ARID4B: variants seen among roughly 807,000 people sequenced by gnomAD.
The protein encoded by ARID4B is AT-rich interaction domain 4B, also known as AT-rich interactive domain-containing protein 4B.
ARID4B carries 26 observed loss-of-function variants against 147.5 expected under a neutral mutation model. That is an observed-to-expected ratio of 0.18 (90% CI 0.13 to 0.24). ARID4B has a LOEUF of 0.24. ARID4B is among the 10% of genes least tolerant of loss of function. ARID4B has a pLI of 1.00. For missense variants in ARID4B, 1,179 were observed against 1,511.5 expected, an observed-to-expected ratio of 0.78 and a Z score of 3.65; for synonymous variants, 512 against 507.9, an observed-to-expected ratio of 1.01 and a Z score of -0.11.
At chr1:235,221,884 CTATTTTTTTTTTTTTTTT>C (rs1667489361) in intron 13 of ARID4B, among the ~76,000 whole-genome samples, 1 of 78,552 alleles carries the variant, frequency 1.3e-5, no homozygotes, top group Non-Finnish European at 2.4e-5. Flanking sequence ...AGTCATTTGA[CTATTTTTTTTTTTTTTTT>C]TTTTTTTTTT....
At chr1:235,247,405 T>A (rs925136196) in intron 6 of ARID4B, among the ~76,000 whole-genome samples, 1 of 152,192 alleles carries the variant, frequency 6.6e-6, no homozygotes, top group Admixed American at 6.5e-5. Flanking sequence ...TTGTTATAAC[T>A]ACAATGAACA....
intron 2 of ARID4B, among the ~76,000 whole-genome samples, chr1:235,265,452 A>G (rs183281181): frequency 4.4e-4 from 67 of 152,132 alleles, no homozygotes; most frequent in African/African-American, 1.5e-3. Flanking sequence ...TAATCCCAGC[A>G]CTTTAGGAAG....
At chr1:235,296,186 C>A in intron 2 of ARID4B, 1 of 162,316 alleles carries the variant, frequency 6.2e-6, no homozygotes, top group Non-Finnish European at 1.3e-5. Flanking sequence ...GATGTCAAGG[C>A]CAACAAATAC....
chr1:235,177,551 G>A (rs998479722), intron 21 of ARID4B: 6 of 311,358 alleles, frequency 1.9e-5, no homozygotes, highest in African/African-American at 1.1e-4. Flanking sequence ...AGGTATACAT[G>A]TGCCATGTTG....
chr1:235,260,507 C>T (rs976489228), intron 3 of ARID4B, 135 bp downstream of exon 3: 9 of 551,544 alleles, frequency 1.6e-5, no homozygotes, highest in African/African-American at 1.4e-4. Flanking sequence ...ACAAAAAATG[C>T]TTTGTTTTGA....
intron 2 of ARID4B, among the ~76,000 whole-genome samples, chr1:235,282,318 C>T (rs1038404751): frequency 3.9e-5 from 6 of 152,164 alleles, no homozygotes; most frequent in East Asian, 1.9e-4. Context: ...TATTCCTCAG[C>T]GCTGTCTCTA....
At chr1:235,296,791 G>GAGGAAGGAAGGAAGGA (rs761841322) in intron 2 of ARID4B, among the ~76,000 whole-genome samples, 22 of 57,100 alleles carry the variant, frequency 3.9e-4, no homozygotes, top group South Asian at 1.3e-3. Flanking sequence ...AAAAAAAAAG[G>GAGGAAGGAAGGAAGGA]AGGAAGGAAG....
At chr1:235,196,305 T>G (rs1665485528) in intron 17 of ARID4B, among the ~76,000 whole-genome samples, 190 bp from the exon 18 acceptor site, 1 of 152,168 alleles carries the variant, frequency 6.6e-6, no homozygotes, top group East Asian at 1.9e-4. Context: ...AACTTGCCCA[T>G]GGACTTAAAG....
chr1:235,263,928 G>A (rs534593214), intron 2 of ARID4B, among the ~76,000 whole-genome samples: 37 of 151,936 alleles, frequency 2.4e-4, no homozygotes, highest in Non-Finnish European at 4.9e-4. Flanking sequence ...TGGGAGGCGG[G>A]GCTTGCAGTG....
intron 2 of ARID4B, among the ~76,000 whole-genome samples, chr1:235,305,986 T>C (rs1435950569): frequency 6.6e-6 from 1 of 152,090 alleles, no homozygotes; most frequent in South Asian, 2.1e-4. Context: ...CTACATATAA[T>C]GTAAGAAAAG....
At chr1:235,172,098 T>G (rs1663407866) in intron 23 of ARID4B, among the ~76,000 whole-genome samples, 1 of 152,174 alleles carries the variant, frequency 6.6e-6, no homozygotes, top group Non-Finnish European at 1.5e-5. Flanking sequence ...TATTAGGATG[T>G]TTTTGGTAGA....
At chr1:235,257,282 C>T in intron 3 of ARID4B, 57 bp from the exon 4 acceptor site, 3 of 1,079,462 alleles carry the variant, frequency 2.8e-6, no homozygotes, top group Non-Finnish European at 4.3e-6. Context: ...ACAAGCTCAT[C>T]AATGCACCAA....
At chr1:235,196,351 T>A (rs1206591939) in intron 17 of ARID4B, among the ~76,000 whole-genome samples, 1 of 152,140 alleles carries the variant, frequency 6.6e-6, no homozygotes, top group Non-Finnish European at 1.5e-5. Context: ...GAGAGCATGA[T>A]CTCATGATTC....
rs1663025750 is a variant in ARID4B, at chr1:235,167,157, G to A, written c.*1368C>T. 1 of 199,682 alleles carries A rather than the reference G, an allele frequency of 5.0e-6. No individual in the cohort carries two copies. The highest frequency in any genetic ancestry group is 1.0e-5 in the Non-Finnish European group (1 of 96,646). The allele number at this position is 199,682 out of a possible 1,614,324, so 12.4% of individuals were successfully genotyped here. A position where few individuals can be genotyped will look rare whatever the true frequency, so the allele number is the denominator to read the frequency against. ...AATGCTTTTCTTAGAAAAGTTGAAT[G>A]TAAAGGATTCTGACACGTTAGCATC... On this transcript the variant is annotated 3_prime_UTR_variant, in exon 24 of 24. Transcript: ENST00000264183.
chr1:235,240,256 T>C (rs1668897091), intron 8 of ARID4B, 57 bp downstream of exon 8: 1 of 1,473,278 alleles, frequency 6.8e-7, no homozygotes, highest in South Asian at 1.4e-5. Context: ...AGAAAATTGT[T>C]TTCTTCATAA....
Position 235,318,168 on chromosome 1 carries a change from CTTTTTTTTTTT to C in ARID4B, c.6+8735_6+8745del, listed in dbSNP as rs372816686. On this transcript the variant is annotated intron_variant, in intron 2 of 23. Transcript: ENST00000264183. ...AGCATAGTATTAACACTTGCTACTC[CTTTTTTTTTTT>C]TTTTTTTTTTTTTTTGAGACGGAGT... Among the ~76,000 whole-genome samples, 38 of 112,008 alleles carry C rather than the reference CTTTTTTTTTTT, an allele frequency of 3.4e-4. 1 individual carries two copies. Among genetic ancestry groups the C allele is most frequent in the African/African-American group, 8.0e-4 (19 of 23,630 alleles). The allele number at this position is 112,008 out of a possible 152,430, so 73.5% of individuals were successfully genotyped here. A position where few individuals can be genotyped will look rare whatever the true frequency, so the allele number is the denominator to read the frequency against.
chr1:235,289,322 T>C (rs1672179123), intron 2 of ARID4B, among the ~76,000 whole-genome samples: 1 of 152,176 alleles, frequency 6.6e-6, no homozygotes. Context: ...AAAGCAAATA[T>C]ATCAAAATAT....
Position 235,182,604 on chromosome 1 carries a change from G to T in ARID4B, c.2315C>A (p.Ser772Tyr). The change falls in exon 20 of 24, where the codon TCC (serine) becomes TAC (tyrosine). Residue 772 changes from serine (S) to tyrosine (Y), a missense_variant. Coordinates refer to ENST00000264183, the MANE Select transcript of ARID4B (RefSeq NM_016374.6). Reference protein sequence around the residue: ...ENKVHADLVISKPVSKSPERL... With the variant: ...ENKVHADLVIYKPVSKSPERL... ...TTCTGGAGATTTTGACACTGGTTTG[G>T]ATATTACCAAATCTGCATGAACTTT... 6.2e-7 allele frequency: 1 copy of T among 1,613,446 alleles called. No homozygotes were observed. Among genetic ancestry groups the T allele is most frequent in the South Asian group, 1.1e-5 (1 of 90,986 alleles).
Position 235,168,554 on chromosome 1 carries a change from G to T in ARID4B, c.3910C>A (p.Gln1304Lys). The T allele has an allele frequency of 6.2e-7, 1 of 1,614,070 alleles. No individual in the cohort carries two copies. The highest frequency in any genetic ancestry group is 8.5e-7 in the Non-Finnish European group (1 of 1,179,976). ...LAEPSMSSAS[Q>K]NGMSVECR ...CTGCACTCAACTGACATTCCATTTTGTGATGCGCTGGACATTGACGGTTCA... is the reference window on the plus strand; with the variant it reads ...CTGCACTCAACTGACATTCCATTTTTTGATGCGCTGGACATTGACGGTTCA... The change falls in exon 24 of 24, where the codon CAA becomes AAA. Residue 1304 changes from glutamine (Q) to lysine (K), a missense_variant. Transcript: ENST00000264183.
Sources: allele counts gnomAD v4.1 joint callset (sites outside exome capture counted in the v4.1 genomes callset), GRCh38; gene constraint gnomAD v4.1.1; transcripts MANE v1.5; gene names NCBI Gene and HGNC (gene_info 2026-07-23, HGNC 2026-07-21).